GABRG1: variants seen among roughly 807,000 people sequenced by gnomAD.
GABRG1 encodes the protein gamma-aminobutyric acid type A receptor subunit gamma1, also known as gamma-aminobutyric acid receptor subunit gamma-1.
Under a neutral mutation model 49.8 loss-of-function variants are expected in GABRG1, and 49 were observed. That is an observed-to-expected ratio of 0.98 (90% CI 0.78 to 1.25). GABRG1 has a LOEUF of 1.25. Among genes scored for constraint, GABRG1 ranks in the 50% most tolerant of loss-of-function variants. GABRG1 has a pLI of 0.00. For synonymous variants in GABRG1, 232 were observed against 185.1 expected, an observed-to-expected ratio of 1.25 and a Z score of -2.06; for missense variants, 552 against 552.3, an observed-to-expected ratio of 1.00 and a Z score of 0.01.
intron 1 of GABRG1, among the ~76,000 whole-genome samples, chr4:46,108,926 T>C (rs936607420): frequency 6.6e-6 from 1 of 151,102 alleles, no homozygotes; most frequent in Non-Finnish European, 1.5e-5. Flanking sequence ...CTTGCATTGA[T>C]AACATAGTCT....
intron 8 of GABRG1, 83 bp downstream of exon 8, chr4:46,051,341 T>C (rs1718210272): frequency 1.1e-5 from 12 of 1,095,668 alleles, no homozygotes; most frequent in Non-Finnish European, 1.4e-5. Flanking sequence ...TCCCTATTTC[T>C]GTAAACAAAC....
intron 7 of GABRG1, among the ~76,000 whole-genome samples, chr4:46,053,363 A>T (rs2109399155): frequency 6.6e-6 from 1 of 152,020 alleles, no homozygotes; most frequent in South Asian, 2.1e-4. Context: ...GTTGATGATA[A>T]TTTCTTTTCA....
intron 3 of GABRG1, among the ~76,000 whole-genome samples, chr4:46,075,718 A>G (rs1357220042): frequency 1.3e-5 from 2 of 152,118 alleles, no homozygotes; most frequent in Non-Finnish European, 2.9e-5. Flanking sequence ...GAAAGAAAGA[A>G]AGGTCCTTGC....
In GABRG1 at chr4:46,064,457, T is replaced by G; in HGVS notation, c.609A>C (p.Pro203=). Residue 203 remains proline, a synonymous_variant, in exon 5 of 9, where the codon CCA becomes CCC. Coordinates refer to ENST00000295452, the MANE Select transcript of GABRG1 (RefSeq NM_173536.4). Reference sequence around the variant, plus strand: ...GTTACTTACAGCTTGAAAATTCCAGTGGACAGGAATGTTCATCCATGGGAA... The same window carrying G: ...GTTACTTACAGCTTGAAAATTCCAGGGGACAGGAATGTTCATCCATGGGAA... ...HNFPMDEHSC[P]LEFSSYGYPK... is the part of the protein sequence containing the mutation. 2.6e-6 allele frequency: 4 copies of G among 1,524,336 alleles called. No homozygotes were observed. The highest frequency in any genetic ancestry group is 3.5e-6 in the Non-Finnish European group (4 of 1,137,052). The allele number at this position is 1,524,336 out of a possible 1,614,324, so 94.4% of individuals were successfully genotyped here.
At chr4:46,118,359 A>G (rs910987946) in intron 1 of GABRG1, among the ~76,000 whole-genome samples, 1 of 149,958 alleles carries the variant, frequency 6.7e-6, no homozygotes, top group Non-Finnish European at 1.5e-5. Context: ...AACATACAAT[A>G]TTTTCCCAGA....
Position 46,036,143 on chromosome 4 carries a change from A to G in GABRG1, c.*4845T>C, listed in dbSNP as rs552423087. On this transcript the variant is annotated 3_prime_UTR_variant, in exon 9 of 9. Transcript: ENST00000295452. ...CACTCAAAGGGTCCAGGTATGTTTC[A>G]TTGTCCAACAATAACAATTCTTTTA... is the stretch of plus-strand genomic sequence containing the variant. The G allele has an allele frequency of 6.6e-6, 1 of 152,028 alleles. No individual in the cohort carries two copies. Among genetic ancestry groups the G allele is most frequent in the Non-Finnish European group, 1.5e-5 (1 of 67,852 alleles). The allele number at this position is 152,028 out of a possible 1,614,324, so 9.4% of individuals were successfully genotyped here.
At chr4:46,081,553 A>G (rs1308293763) in intron 3 of GABRG1, among the ~76,000 whole-genome samples, 2 of 151,874 alleles carry the variant, frequency 1.3e-5, no homozygotes, top group African/African-American at 4.8e-5. Context: ...ACTGTTAGGC[A>G]TATTATAAAG....
At chr4:46,073,416 A>C (rs981385173) in intron 3 of GABRG1, among the ~76,000 whole-genome samples, 1 of 152,050 alleles carries the variant, frequency 6.6e-6, no homozygotes, top group African/African-American at 2.4e-5. Flanking sequence ...ATGAGGCAAA[A>C]ATTTTTAAAC....
chr4:46,103,194 C>T (rs1022995931), intron 1 of GABRG1, among the ~76,000 whole-genome samples: 17 of 151,466 alleles, frequency 1.1e-4, no homozygotes, highest in Middle Eastern at 6.8e-3. Context: ...TAATAAGGTG[C>T]CTGAGGAATG....
intron 3 of GABRG1, among the ~76,000 whole-genome samples, chr4:46,077,885 C>T (rs1719417168): frequency 6.6e-6 from 1 of 151,506 alleles, no homozygotes; most frequent in Non-Finnish European, 1.5e-5. Context: ...TAAGGTTAAT[C>T]TAATTTCCTA....
At chr4:46,096,231 G>T (rs905117801) in intron 2 of GABRG1, among the ~76,000 whole-genome samples, 4 of 151,424 alleles carry the variant, frequency 2.6e-5, no homozygotes, top group Non-Finnish European at 5.9e-5. Flanking sequence ...AAAAGCAAAG[G>T]AGAAGAAAAA....
intron 1 of GABRG1, among the ~76,000 whole-genome samples, chr4:46,102,262 T>C (rs1720404976): frequency 6.6e-6 from 1 of 151,692 alleles, no homozygotes; most frequent in African/African-American, 2.4e-5. Context: ...GGATGAGCCC[T>C]GAGTCTGCAC....
chr4:46,062,016 T>A (rs1181802387), intron 5 of GABRG1, among the ~76,000 whole-genome samples: 1 of 118,260 alleles, frequency 8.5e-6, no homozygotes, highest in Non-Finnish European at 1.7e-5. Context: ...CCTAATGCTA[T>A]CCCTCCCCCC....
At chr4:46,097,840 A>T (rs1298767031) in intron 1 of GABRG1, among the ~76,000 whole-genome samples, 5 of 151,780 alleles carry the variant, frequency 3.3e-5, no homozygotes, top group African/African-American at 1.2e-4. Context: ...AGGTTTGAAT[A>T]AAAAGGAAAA....
At chr4:46,089,629 G>T (rs944555692) in intron 2 of GABRG1, among the ~76,000 whole-genome samples, 2 of 152,044 alleles carry the variant, frequency 1.3e-5, no homozygotes, top group African/African-American at 4.8e-5. Context: ...AACTGAAACT[G>T]TTTGGAAAGT....
intron 8 of GABRG1, among the ~76,000 whole-genome samples, chr4:46,048,845 T>C (rs1311501569): frequency 1.3e-5 from 2 of 151,942 alleles, no homozygotes; most frequent in Non-Finnish European, 2.9e-5. Context: ...TATTTTTAGG[T>C]GGTTCTTTGA....
rs1046312726 is a variant in GABRG1, at chr4:46,047,159, G to A, written c.1131+4265C>T. Among the ~76,000 whole-genome samples, 43 of 152,018 alleles carry A rather than the reference G, an allele frequency of 2.8e-4. 1 individual carries two copies. The highest frequency in any genetic ancestry group is 9.9e-4 in the African/African-American group (41 of 41,424). On this transcript the variant is annotated intron_variant, in intron 8 of 8. Coordinates refer to ENST00000295452, the MANE Select transcript of GABRG1 (RefSeq NM_173536.4). ...ATGCGACTAGCGCTACTAAGATACT[G>A]AATATTATATTTTGTTTAATTTTAA...
At chr4:46,052,228 TA>T (rs11308746) in intron 7 of GABRG1, among the ~76,000 whole-genome samples, 67,855 of 146,312 alleles carry the variant, frequency 0.46, 15,450 homozygotes, top group African/African-American at 0.52. Flanking sequence ...CGCCTTGAAA[TA>T]AAAAAAAAAA....
intron 2 of GABRG1, among the ~76,000 whole-genome samples, chr4:46,092,642 T>C (rs985481370): frequency 6.6e-6 from 1 of 151,890 alleles, no homozygotes; most frequent in Admixed American, 6.6e-5. Flanking sequence ...AACCACTCCA[T>C]TTAAAAGAAA....
Sources: gnomAD v4.1 joint callset for allele counts (sites outside exome capture counted in the v4.1 genomes callset) on GRCh38, gnomAD v4.1.1 for gene constraint, MANE v1.5 for transcripts, NCBI Gene and HGNC (gene_info 2026-07-23, HGNC 2026-07-21) for gene names.